ITGAM: variants seen among roughly 807,000 people sequenced by gnomAD.
ITGAM encodes integrin subunit alpha M.
In ITGAM, 79 loss-of-function variants were observed where a neutral mutation model predicts 137.5. The observed-to-expected ratio is 0.57, with a 90% CI of 0.48 to 0.69. The LOEUF is 0.69. ITGAM is among the 30% of genes least tolerant of loss of function. The probability of loss-of-function intolerance (pLI) is 0.00; values close to 1 mark genes in which losing one functional copy is unlikely to be tolerated. For missense variants in ITGAM, 1,343 were observed against 1,483.5 expected, an observed-to-expected ratio of 0.91 and a Z score of 1.56; for synonymous variants, 583 against 592.3, an observed-to-expected ratio of 0.98 and a Z score of 0.23.
At chr16:31,301,603 T>C (rs1385526484) in intron 14 of ITGAM, among the ~76,000 whole-genome samples, 1 of 152,196 alleles carries the variant, frequency 6.6e-6, no homozygotes. Context: ...GCTTATTAGC[T>C]CATATATTTG....
At chr16:31,275,815 T>C (rs1446205085) in intron 9 of ITGAM, 116 bp downstream of exon 9, 4 of 947,324 alleles carry the variant, frequency 4.2e-6, no homozygotes, top group Non-Finnish European at 6.2e-6. Flanking sequence ...GCATCAACTC[T>C]CTCCACTTCC....
rs139415647 is a variant in ITGAM at position 31,302,393 on chromosome 16, T to C, written c.1707+4439T>C. Among the ~76,000 whole-genome samples, 486 of 144,590 alleles carry C rather than the reference T, an allele frequency of 3.4e-3. 4 individuals are homozygous for C. The highest frequency in any genetic ancestry group is 0.012 in the African/African-American group (463 of 37,354). 94.9% of individuals were successfully genotyped at this position (144,590 alleles called of 152,430 possible). ...TTTTTTCTTTCTTTTCTTTTCTTTTTTCTTTTCTTTTCTTTTTTCTTTCTT... is the reference window on the plus strand; with the variant it reads ...TTTTTTCTTTCTTTTCTTTTCTTTTCTCTTTTCTTTTCTTTTTTCTTTCTT... On this transcript the variant is annotated intron_variant, in intron 14 of 29. Coordinates refer to ENST00000544665, the MANE Select transcript of ITGAM (RefSeq NM_000632.4).
intron 2 of ITGAM, among the ~76,000 whole-genome samples, chr16:31,262,055 C>T (rs1446471928): frequency 1.3e-5 from 2 of 152,140 alleles, no homozygotes; most frequent in Non-Finnish European, 2.9e-5. Context: ...GGTGTTCCTT[C>T]GGGGAGACTC....
At position 31,330,126 on chromosome 16, in the gene ITGAM, T is replaced by G. The variant is rs1340881294; in HGVS notation, c.3022T>G (p.Ser1008Ala). Residue 1008 changes from serine to alanine, a missense_variant, in exon 26 of 30, where the codon TCC becomes GCC. By Grantham distance (99) the Ser-to-Ala change is moderately conservative. Transcript: ENST00000544665. Reference protein sequence around the residue: ...CHTKERLPSHSDFLAELRKAP... With the variant: ...CHTKERLPSHADFLAELRKAP... ...CACCAAGGAGCGCTTGCCCTCTCACTCCGACTTTCTGGCTGAGCTTCGGAA... is the reference window on the plus strand; with the variant it reads ...CACCAAGGAGCGCTTGCCCTCTCACGCCGACTTTCTGGCTGAGCTTCGGAA... The G allele has an allele frequency of 6.2e-7, 1 of 1,613,798 alleles. No homozygotes were observed. Among genetic ancestry groups the G allele is most frequent in the Non-Finnish European group, 8.5e-7 (1 of 1,179,810 alleles).
intron 16 of ITGAM, 145 bp downstream of exon 16, chr16:31,321,772 CAGGCTA>C: frequency 1.2e-6 from 1 of 830,780 alleles, no homozygotes. Flanking sequence ...CCTGAGTGAG[CAGGCTA>C]TTGTCCTGCT....
In ITGAM at chr16:31,310,944, C is replaced by T. The variant is rs549879399; in HGVS notation, c.1708-10297C>T. ...ACCTTCAGCTGCTGGAGATATAGAC[C>T]AATGGAACAGAACTGAGCACTCAGA... is the stretch of plus-strand genomic sequence containing the variant. On this transcript the variant is annotated intron_variant, in intron 14 of 29. Coordinates refer to ENST00000544665, the MANE Select transcript of ITGAM (RefSeq NM_000632.4). Among the ~76,000 whole-genome samples the T allele has an allele frequency of 2.3e-4, 35 of 151,968 alleles. 1 individual carries two copies. The highest frequency in any genetic ancestry group is 1.7e-3 in the Admixed American group (26 of 15,222).
intron 14 of ITGAM, among the ~76,000 whole-genome samples, chr16:31,313,001 C>T (rs966077034): frequency 3.3e-5 from 5 of 151,400 alleles, no homozygotes; most frequent in African/African-American, 7.3e-5. Flanking sequence ...GGGCGGATCA[C>T]GAGGTCAGGA....
chr16:31,294,817 C>G lies in ITGAM; in HGVS notation c.1357-2697C>G, dbSNP rs1433682925. Among the ~76,000 whole-genome samples, 3 of 152,102 alleles carry G rather than the reference C, an allele frequency of 2.0e-5. No individual in the cohort carries two copies. The East Asian group carries it at 5.8e-4, about 29-fold the overall frequency. On this transcript the variant is annotated intron_variant, in intron 12 of 29. Transcript: ENST00000544665. The stretch of plus-strand genomic sequence containing the variant: ...TCTCAGAAGCTTGATTGTCAAGAAG[C>G]TTTTCCCTTTGTTTTCTTCTAGTAG...
intron 7 of ITGAM, among the ~76,000 whole-genome samples, 166 bp from the exon 8 acceptor site, chr16:31,273,198 AG>A (rs2079870207): frequency 6.6e-6 from 1 of 152,026 alleles, no homozygotes; most frequent in Non-Finnish European, 1.5e-5. Context: ...CAGGAGGCTG[AG>A]GCAGGAGAAT....
At chr16:31,305,433 T>C (rs1345953857) in intron 14 of ITGAM, among the ~76,000 whole-genome samples, 1 of 152,184 alleles carries the variant, frequency 6.6e-6, no homozygotes, top group Non-Finnish European at 1.5e-5. Context: ...CTTTTCCAAT[T>C]TGGACCCCTT....
chr16:31,276,811 G>A, intron 10 of ITGAM, 67 bp downstream of exon 10: 1 of 1,566,858 alleles, frequency 6.4e-7, no homozygotes. Context: ...GGAGAGATGT[G>A]GGGGTTTGGG....
chr16:31,270,065 C>T (rs1393377798), intron 5 of ITGAM, among the ~76,000 whole-genome samples: 2 of 147,274 alleles, frequency 1.4e-5, no homozygotes, highest in Non-Finnish European at 3.0e-5. Flanking sequence ...GTGTGCCCTT[C>T]CCTTTTCTAG....
intron 5 of ITGAM, among the ~76,000 whole-genome samples, chr16:31,267,892 C>T (rs2079787406): frequency 6.6e-6 from 1 of 152,138 alleles, no homozygotes; most frequent in Non-Finnish European, 1.5e-5. Flanking sequence ...GATCTTCCCA[C>T]CTCAGCCTCC....
chr16:31,276,881 T>C, intron 10 of ITGAM, 39 bp from the exon 11 acceptor site: 4 of 1,599,166 alleles, frequency 2.5e-6, no homozygotes, highest in Non-Finnish European at 3.4e-6. Flanking sequence ...GGTTGTCCCT[T>C]CTTCCTTCCT....
At chr16:31,298,281 G>A (rs147496022) in intron 14 of ITGAM, among the ~76,000 whole-genome samples, 98 of 152,048 alleles carry the variant, frequency 6.4e-4, no homozygotes, top group African/African-American at 2.1e-3. Flanking sequence ...TGGAGGCTGA[G>A]GCCGGAGGAT....
chr16:31,285,159 C>T (rs934316346), intron 12 of ITGAM, among the ~76,000 whole-genome samples: 9 of 152,182 alleles, frequency 5.9e-5, no homozygotes, highest in East Asian at 1.9e-4. Flanking sequence ...GTAAACAGAA[C>T]GGAACAGAAC....
chr16:31,294,998 A>G (rs1444853151), intron 12 of ITGAM, among the ~76,000 whole-genome samples: 1 of 152,012 alleles, frequency 6.6e-6, no homozygotes, highest in African/African-American at 2.4e-5. Flanking sequence ...TCCTTTGCAT[A>G]TTCTTGGCAC....
intron 28 of ITGAM, 43 bp downstream of exon 28, chr16:31,330,648 C>A: frequency 1.4e-6 from 2 of 1,416,170 alleles, no homozygotes; most frequent in Non-Finnish European, 1.9e-6. Flanking sequence ...GGGAGAGGGG[C>A]TGCGCTTGTG....
intron 12 of ITGAM, among the ~76,000 whole-genome samples, chr16:31,293,832 G>A (rs559543570): frequency 1.3e-5 from 2 of 152,150 alleles, no homozygotes; most frequent in Non-Finnish European, 2.9e-5. Flanking sequence ...TGGGAAGTGT[G>A]TCCATTTTAA....
Sources: allele counts gnomAD v4.1 joint callset (sites outside exome capture counted in the v4.1 genomes callset), GRCh38; gene constraint gnomAD v4.1.1; transcripts MANE v1.5; gene names NCBI Gene and HGNC (gene_info 2026-07-23, HGNC 2026-07-21).